DRP2: variants seen among roughly 807,000 people sequenced by gnomAD.
The protein encoded by DRP2 is dystrophin-related protein 2.
DRP2 carries 29 observed loss-of-function variants against 78.2 expected under a neutral mutation model. The observed-to-expected ratio is 0.37, with a 90% CI of 0.28 to 0.51. DRP2 has a LOEUF of 0.51. Among genes scored for constraint, DRP2 ranks in the 20% least tolerant of loss-of-function variants. The probability of loss-of-function intolerance (pLI) is 0.94; values close to 1 mark genes in which losing one functional copy is unlikely to be tolerated. For missense variants in DRP2, 686 were observed against 770.6 expected (o/e 0.89, Z 1.30); for synonymous variants, 290 against 281.9 (o/e 1.03, Z -0.29).
chrX:101,248,744 C>T (rs771067482), intron 14 of DRP2, 145 bp downstream of exon 14: 14 of 522,268 alleles, frequency 2.7e-5, no homozygotes, highest in African/African-American at 2.5e-4. Context: ...TCTTGGTTCA[C>T]ACTGTTGCAA....
Position 101,242,448 on chromosome X carries a change from A to C in DRP2, c.952A>C (p.Asn318His). The C allele has an allele frequency of 8.3e-7, 1 of 1,210,067 alleles. No individual in the cohort carries two copies. The highest frequency in any genetic ancestry group is 3.0e-5 in the East Asian group (1 of 33,801). Residue 318 changes from asparagine (N) to histidine (H), a missense_variant, in exon 8 of 24, where the codon AAC becomes CAC. By Grantham distance (68) the Asn-to-His change is moderately conservative. Transcript: ENST00000395209. ...MENSQALEQINVRWKQLQASV... is the reference protein window; with the variant it reads ...MENSQALEQIHVRWKQLQASV... The stretch of plus-strand genomic sequence containing the variant: ...GAATTCCCAGGCCCTGGAACAGATC[A>C]ACGTCCGATGGAAACAACTACAGGT...
chrX:101,240,940 C>A (rs897249811), intron 6 of DRP2, among the ~76,000 whole-genome samples: 2 of 111,478 alleles, frequency 1.8e-5, no homozygotes, highest in Non-Finnish European at 3.8e-5. Context: ...AGATTAGGAG[C>A]CTAGGTGGAA....
intron 2 of DRP2, among the ~76,000 whole-genome samples, chrX:101,229,635 A>C (rs1922236082): frequency 1.8e-5 from 2 of 110,923 alleles, no homozygotes; most frequent in Admixed American, 1.9e-4. Flanking sequence ...TATATCTAAA[A>C]CATTGTGAAC....
intron 1 of DRP2, among the ~76,000 whole-genome samples, chrX:101,223,679 T>TA (rs1346075205): frequency 8.9e-6 from 1 of 112,583 alleles, no homozygotes; most frequent in Admixed American, 9.4e-5. Flanking sequence ...AATTGGCTCT[T>TA]AGAGTTTTCT....
chrX:101,220,286 CGTGTGTGTGTGT>C (rs758659890), intron 1 of DRP2, 140 bp downstream of exon 1: 4 of 87,845 alleles, frequency 4.6e-5, no homozygotes, highest in African/African-American at 2.2e-4. Context: ...TGTGTGTGTG[CGTGTGTGTGTGT>C]GTGTGTGTGT....
At chrX:101,242,792 C>A in intron 8 of DRP2, 112 bp from the exon 9 acceptor site, 1 of 754,726 alleles carries the variant, frequency 1.3e-6, no homozygotes. Context: ...GAGGCTGGAA[C>A]CAGAGAAAAG....
intron 3 of DRP2, among the ~76,000 whole-genome samples, chrX:101,233,682 AG>A (rs1201554717): frequency 8.9e-6 from 1 of 111,916 alleles, no homozygotes; most frequent in African/African-American, 3.2e-5. Flanking sequence ...GGCCACTTCC[AG>A]GAGGGGCCCT....
At chrX:101,234,415 G>A (rs1417487053) in intron 3 of DRP2, among the ~76,000 whole-genome samples, 4 of 113,123 alleles carry the variant, frequency 3.5e-5, no homozygotes, top group Non-Finnish European at 7.5e-5. Flanking sequence ...AGTTGGGAGT[G>A]AACCGGAATT....
At chrX:101,224,202 T>G (rs1009063859) in intron 1 of DRP2, among the ~76,000 whole-genome samples, 1,429 of 68,952 alleles carry the variant, frequency 0.021, 17 homozygotes, top group Non-Finnish European at 0.032. Flanking sequence ...TTTTTTTTTT[T>G]TTTTTTTTTT....
At chrX:101,253,088 C>A (rs1923195075) in intron 17 of DRP2, among the ~76,000 whole-genome samples, 1 of 112,348 alleles carries the variant, frequency 8.9e-6, no homozygotes, top group Non-Finnish European at 1.9e-5. Flanking sequence ...TTTTTCCTGG[C>A]TAGCTTCCTA....
At chrX:101,251,209 A>C (rs1055641153) in intron 16 of DRP2, 126 bp downstream of exon 16, 1 of 602,691 alleles carries the variant, frequency 1.7e-6, no homozygotes, top group Non-Finnish European at 2.5e-6. Flanking sequence ...GTACATTATT[A>C]TATACTGTTA....
intron 1 of DRP2, among the ~76,000 whole-genome samples, chrX:101,221,719 C>T (rs909260225): frequency 2.7e-5 from 3 of 112,116 alleles, no homozygotes; most frequent in Non-Finnish European, 5.6e-5. Context: ...GAGCCAGATG[C>T]GGAGAGCACA....
Position 101,222,495 on chromosome X carries a change from G to C in DRP2, c.-166-2109G>C, listed in dbSNP as rs188931334. Among the ~76,000 whole-genome samples, 568 of 111,705 alleles carry C rather than the reference G, an allele frequency of 5.1e-3. 8 individuals carry two copies. Among genetic ancestry groups the C allele is most frequent in the Admixed American group, 0.039 (408 of 10,542 alleles). On this transcript the variant is annotated intron_variant, in intron 1 of 23. Coordinates refer to ENST00000395209, the MANE Select transcript of DRP2 (RefSeq NM_001939.3). ...TCTGGGATTATCTCCTGATTCCCCA[G>C]CCCACTGTACCCAACTGCTGCTTCT...
Position 101,261,665 on chromosome X carries a change from G to A in DRP2, c.*1044G>A, listed in dbSNP as rs779249349. On this transcript the variant is annotated 3_prime_UTR_variant, in exon 24 of 24. Transcript: ENST00000395209. Reference sequence around the variant, plus strand: ...CATAAGGCATTTGCAACTGGCTACCGTGTGTAGTGGCCCCTCCATAGGAGC... The same window carrying A: ...CATAAGGCATTTGCAACTGGCTACCATGTGTAGTGGCCCCTCCATAGGAGC... 4 of 112,237 alleles carry A rather than the reference G, an allele frequency of 3.6e-5. No homozygotes were observed. The highest frequency in any genetic ancestry group is 7.5e-5 in the Non-Finnish European group (4 of 53,240). The allele number at this position is 112,237 out of a possible 1,213,427, so 9.2% of individuals were successfully genotyped here.
At position 101,239,108 on chromosome X, in the gene DRP2, G is replaced by A; in HGVS notation, c.559+7G>A. ...CCTCATTCTGAGAGCAAAGGTAGGTGGTCTTCTGTTTTTCCCACTTCTTCT... is the reference window on the plus strand; with the variant it reads ...CCTCATTCTGAGAGCAAAGGTAGGTAGTCTTCTGTTTTTCCCACTTCTTCT... On this transcript the variant is annotated splice_region_variant and intron_variant, in intron 6 of 23. Transcript: ENST00000395209. The A allele has an allele frequency of 8.3e-7, 1 of 1,206,018 alleles. No homozygotes were observed. The highest frequency in any genetic ancestry group is 1.1e-6 in the Non-Finnish European group (1 of 893,264).
Position 101,256,151 on chromosome X carries a change from C to T in DRP2, c.2280C>T (p.Ser760=). 2 of 1,206,476 alleles carry T rather than the reference C, an allele frequency of 1.7e-6. No homozygotes were observed. The highest frequency in any genetic ancestry group is 3.6e-5 in the South Asian group (2 of 55,785). The change falls in exon 21 of 24, where the codon AGC becomes AGT. Residue 760 remains serine, a synonymous_variant. Transcript: ENST00000395209. ...DEDQYLLRHS[S]PITDREPAFG... ...ACCAGTACCTGCTGCGGCACTCCAGCCCCATCACAGACCGGGAGCCAGCCT... is the reference window on the plus strand; with the variant it reads ...ACCAGTACCTGCTGCGGCACTCCAGTCCCATCACAGACCGGGAGCCAGCCT...
chrX:101,243,772 A>C (rs992060279), intron 9 of DRP2, among the ~76,000 whole-genome samples: 1 of 111,700 alleles, frequency 9.0e-6, no homozygotes, highest in Non-Finnish European at 1.9e-5. Flanking sequence ...GGCTATGGAC[A>C]AAAAGCAGGG....
intron 6 of DRP2, 42 bp downstream of exon 6, chrX:101,239,143 T>C (rs1365256383): frequency 2.5e-6 from 3 of 1,182,151 alleles, no homozygotes; most frequent in Admixed American, 2.3e-5. Context: ...TTGAGCCATG[T>C]ACTGCTGAAT....
rs760405874 is a variant in DRP2 at position 101,250,629 on chromosome X, G to A, written c.1698+49G>A. ...GGGAGGGAAGGGAGGTTGCAGGAAG[G>A]GTGGGAAGAAGGGAAGGAGGACTAC... On this transcript the variant is annotated intron_variant, in intron 15 of 23. Coordinates refer to ENST00000395209, the MANE Select transcript of DRP2 (RefSeq NM_001939.3). 6.9e-6 allele frequency: 8 copies of A among 1,151,757 alleles called. No individual in the cohort carries two copies. In the South Asian group the frequency reaches 8.3e-5, roughly 12 times the overall value. 94.9% of individuals were successfully genotyped at this position (1,151,757 alleles called of 1,213,427 possible). A position where few individuals can be genotyped will look rare whatever the true frequency, so the allele number is the denominator to read the frequency against.
Sources: allele counts gnomAD v4.1 joint callset (sites outside exome capture counted in the v4.1 genomes callset), GRCh38; gene constraint gnomAD v4.1.1; transcripts MANE v1.5; gene names NCBI Gene and HGNC (gene_info 2026-07-23, HGNC 2026-07-21).